The following STAT3 variants were observed in gnomAD, a reference collection of about 807,000 sequenced individuals.
STAT3 encodes the protein DNA-binding protein APRF.
Under a neutral mutation model 114.3 loss-of-function variants are expected in STAT3, and 7 were observed. The ratio of observed to expected loss-of-function variants is 0.06; its 90% confidence interval spans 0.03 to 0.11. STAT3 has a LOEUF of 0.11. STAT3 is among the 10% of genes least tolerant of loss of function. STAT3 has a pLI of 1.00. For synonymous variants in STAT3, 331 were observed against 354.5 expected, an observed-to-expected ratio of 0.93 and a Z score of 0.74; for missense variants, 364 against 960.9, an observed-to-expected ratio of 0.38 and a Z score of 8.21.
chr17:42,342,317 A>G (rs2082476331), intron 4 of STAT3, among the ~76,000 whole-genome samples: 1 of 152,002 alleles, frequency 6.6e-6, no homozygotes. Flanking sequence ...ACCCTATCTC[A>G]CTAAAAATAC....
chr17:42,325,859 G>C (rs2081691974), intron 15 of STAT3, among the ~76,000 whole-genome samples: 1 of 152,184 alleles, frequency 6.6e-6, no homozygotes, highest in African/African-American at 2.4e-5. Context: ...ACCGCGCCCG[G>C]CCAATCAATT....
chr17:42,345,810 C>T lies in STAT3; in HGVS notation c.274-153G>A, dbSNP rs12601611. On this transcript the variant is annotated intron_variant, in intron 3 of 23. Transcript: ENST00000264657. ...GCTTCAGAGCCTGGGTGAAGGCTCT[C>T]TGTCGGCGGGGGGCGAAGGGGAGGT... Among the ~76,000 whole-genome samples, 43,962 of 151,090 alleles carry T rather than the reference C, an allele frequency of 0.29. 6,637 individuals are homozygous for T. The highest frequency in any genetic ancestry group is 0.4 in the East Asian group (2,035 of 5,130).
At chr17:42,331,917 G>A (rs913029128) in intron 10 of STAT3, among the ~76,000 whole-genome samples, 2 of 151,716 alleles carry the variant, frequency 1.3e-5, no homozygotes, top group Non-Finnish European at 2.9e-5. Flanking sequence ...GACAGAGCGA[G>A]ATCCTATCTC....
intron 1 of STAT3, 56 bp from the exon 2 acceptor site, chr17:42,348,595 T>C: frequency 6.2e-7 from 1 of 1,602,736 alleles, no homozygotes; most frequent in Middle Eastern, 2.2e-4. Context: ...GTAAACAATC[T>C]AGAAGTAGCC....
intron 2 of STAT3, 112 bp from the exon 3 acceptor site, chr17:42,346,825 GC>G: frequency 7.1e-7 from 1 of 1,399,390 alleles, no homozygotes; most frequent in Non-Finnish European, 1.0e-6. Flanking sequence ...CAAACCTGAT[GC>G]TATAACCCAT....
chr17:42,356,384 A>G (rs1381078170), intron 1 of STAT3, among the ~76,000 whole-genome samples: 1 of 151,982 alleles, frequency 6.6e-6, no homozygotes, highest in African/African-American at 2.4e-5. Flanking sequence ...GAGGCCAGGA[A>G]GTCAAGGCTG....
At chr17:42,357,003 G>C (rs1456125171) in intron 1 of STAT3, among the ~76,000 whole-genome samples, 1 of 152,002 alleles carries the variant, frequency 6.6e-6, no homozygotes, top group African/African-American at 2.4e-5. Context: ...GGCCAGGCTT[G>C]TCTTAAACTC....
chr17:42,339,168 AT>A, intron 5 of STAT3, 145 bp downstream of exon 5: 1 of 754,084 alleles, frequency 1.3e-6, no homozygotes, highest in South Asian at 1.6e-5. Context: ...AGGTAGGAGG[AT>A]CGCTTGGGCC....
intron 1 of STAT3, among the ~76,000 whole-genome samples, chr17:42,369,677 G>T (rs114752861): frequency 0.011 from 1,615 of 152,086 alleles, 48 homozygotes; most frequent in African/African-American, 0.037. Flanking sequence ...AAGAGACAGG[G>T]TCTCACTCTG....
In STAT3 at chr17:42,322,511, G is replaced by A. The variant is rs2144685063; in HGVS notation, c.1889-17C>T. ...GGGTCTTACCTGTCACAGGACATGG[G>A]AAGGAAAGATCATGGAACCTACAGC... On this transcript the variant is annotated splice_polypyrimidine_tract_variant and intron_variant, in intron 20 of 23. Coordinates refer to ENST00000264657, the MANE Select transcript of STAT3 (RefSeq NM_139276.3). The A allele has an allele frequency of 6.2e-7, 1 of 1,613,814 alleles. No homozygotes were observed. Among genetic ancestry groups the A allele is most frequent in the Non-Finnish European group, 8.5e-7 (1 of 1,179,658 alleles).
At chr17:42,321,024 G>A (rs746798556) in intron 21 of STAT3, among the ~76,000 whole-genome samples, 1 of 151,598 alleles carries the variant, frequency 6.6e-6, no homozygotes, top group Non-Finnish European at 1.5e-5. Flanking sequence ...GGCCTCAAGT[G>A]ATCCTCCTGC....
rs367818118 is a variant in STAT3 at position 42,337,733 on chromosome 17, T to C, written c.645+30A>G. Reference sequence around the variant, plus strand: ...AAATCCCGCAAGTGAGCGAGACACATGGGGGAAGTGGTCCGACCTATGCCC... The same window carrying C: ...AAATCCCGCAAGTGAGCGAGACACACGGGGGAAGTGGTCCGACCTATGCCC... On this transcript the variant is annotated intron_variant, in intron 7 of 23. Coordinates refer to ENST00000264657, the MANE Select transcript of STAT3 (RefSeq NM_139276.3). The surrounding 1 kb of genome is among the most constrained non-coding windows in gnomAD (Gnocchi z 4.0). The C allele has an allele frequency of 1.1e-5, 18 of 1,613,564 alleles. No individual in the cohort carries two copies. Among genetic ancestry groups the C allele is most frequent in the Non-Finnish European group, 1.4e-5 (17 of 1,179,626 alleles).
intron 8 of STAT3, among the ~76,000 whole-genome samples, chr17:42,334,818 C>A (rs983794109): frequency 2.6e-5 from 4 of 152,102 alleles, no homozygotes; most frequent in African/African-American, 9.7e-5. Context: ...GGGCTGGGCA[C>A]ACAAGAAGTA....
Position 42,323,274 on chromosome 17 carries a change from G to C in STAT3, c.1734C>G (p.Ala578=). The change falls in exon 19 of 24, where the codon GCC becomes GCG. Residue 578 remains alanine, a synonymous_variant. Transcript: ENST00000264657. ...GTCCAACCTACCCTTCGTTCCAAAG[G>C]GCCAGGATGTACTTTTTCACAAGGT... ...IIDLVKKYIL[A]LWNEGYIMGF... is the part of the protein sequence containing the mutation. 6.2e-7 allele frequency: 1 copy of C among 1,614,156 alleles called. No homozygotes were observed. The highest frequency in any genetic ancestry group is 8.5e-7 in the Non-Finnish European group (1 of 1,180,032).
chr17:42,361,350 G>A (rs2083496632), intron 1 of STAT3, among the ~76,000 whole-genome samples: 1 of 152,042 alleles, frequency 6.6e-6, no homozygotes, highest in Admixed American at 6.6e-5. Context: ...AGGCATGGTG[G>A]TGGATGCCTG....
intron 1 of STAT3, among the ~76,000 whole-genome samples, chr17:42,376,163 A>G (rs956660340): frequency 6.9e-6 from 1 of 144,374 alleles, no homozygotes; most frequent in Non-Finnish European, 1.5e-5. Context: ...AAAAAAAAAG[A>G]GAAAGAATGA....
At chr17:42,338,609 C>A (rs2082316633) in intron 6 of STAT3, 122 bp downstream of exon 6, 1 of 888,878 alleles carries the variant, frequency 1.1e-6, no homozygotes, top group Non-Finnish European at 1.8e-6. Flanking sequence ...CCTTTGAGGA[C>A]CCGTACCTCC....
intron 10 of STAT3, among the ~76,000 whole-genome samples, chr17:42,332,063 G>A (rs887247916): frequency 1.3e-5 from 2 of 151,742 alleles, no homozygotes; most frequent in African/African-American, 2.4e-5. Flanking sequence ...AAGTAGCTGG[G>A]ATTACAGGCG....
At chr17:42,388,075 C>T (rs2085211282) in intron 1 of STAT3, 2 of 591,846 alleles carry the variant, frequency 3.4e-6, no homozygotes, top group Admixed American at 4.4e-5. Context: ...CGAAACTTCC[C>T]TCCAGCGCCC....
Sources: gnomAD v4.1 joint callset for allele counts (sites outside exome capture counted in the v4.1 genomes callset) on GRCh38, gnomAD v4.1.1 for gene constraint, Gnocchi (gnomAD v3.1) non-coding constraint, MANE v1.5 for transcripts, NCBI Gene and HGNC (gene_info 2026-07-23, HGNC 2026-07-21) for gene names.